Variants in NDST4 observed in about 807,000 individuals in gnomAD.
NDST4 encodes the protein N-deacetylase and N-sulfotransferase 4, also known as N-heparan sulfate sulfotransferase 4.
In NDST4, 63 loss-of-function variants were observed where a neutral mutation model predicts 100.8. That is an observed-to-expected ratio of 0.62 (90% CI 0.51 to 0.77). The LOEUF (loss-of-function observed/expected upper bound fraction) is 0.77, where lower values mean the gene tolerates loss of function less well. NDST4 is among the 30% of genes least tolerant of loss of function. NDST4 has a pLI of 0.00. For missense variants in NDST4, 943 were observed against 1,018.4 expected (o/e 0.93, Z 1.01); for synonymous variants, 377 against 361.8 (o/e 1.04, Z -0.48).
intron 2 of NDST4, among the ~76,000 whole-genome samples, chr4:115,004,336 T>C (rs904813140): frequency 1.3e-4 from 20 of 152,144 alleles, no homozygotes; most frequent in African/African-American, 4.8e-4. Context: ...ACAATAAATA[T>C]ATAAGAATTT....
rs143989129 is a variant in NDST4 at position 115,004,881 on chromosome 4, T to C, written c.979-27607A>G. Among the ~76,000 whole-genome samples, 3 of 152,306 alleles carry C rather than the reference T, an allele frequency of 2.0e-5. No homozygotes were observed. In the East Asian group the frequency reaches 5.8e-4, roughly 29 times the overall value. On this transcript the variant is annotated intron_variant, in intron 2 of 13. Transcript: ENST00000264363. ...ACCACAAAATTAAGTTTGTTACAGC[T>C]TAATTTTCAGGTGAACACACAGGAG...
intron 6 of NDST4, among the ~76,000 whole-genome samples, chr4:114,925,969 A>G (rs1214754578): frequency 6.6e-6 from 1 of 152,112 alleles, no homozygotes; most frequent in African/African-American, 2.4e-5. Context: ...GACTGTTTTG[A>G]CTATTTTCAG....
At chr4:114,892,972 T>C (rs1187074403) in intron 6 of NDST4, among the ~76,000 whole-genome samples, 1 of 151,922 alleles carries the variant, frequency 6.6e-6, no homozygotes, top group Non-Finnish European at 1.5e-5. Flanking sequence ...TTGACTCCTG[T>C]TTGTGAGTGA....
chr4:114,954,318 C>G (rs1310316499), intron 4 of NDST4, among the ~76,000 whole-genome samples: 3 of 151,506 alleles, frequency 2.0e-5, no homozygotes, highest in Non-Finnish European at 4.4e-5. Flanking sequence ...ATTTGAATGC[C>G]CAGTCTAGAA....
intron 10 of NDST4, among the ~76,000 whole-genome samples, chr4:114,844,648 T>A (rs926657978): frequency 3.3e-5 from 5 of 152,078 alleles, no homozygotes; most frequent in Admixed American, 6.5e-5. Context: ...TAATTACATA[T>A]CACTATGATT....
intron 2 of NDST4, among the ~76,000 whole-genome samples, chr4:114,981,068 C>T (rs999579899): frequency 2.0e-5 from 3 of 152,126 alleles, no homozygotes; most frequent in African/African-American, 7.2e-5. Flanking sequence ...CAAAAATTAG[C>T]CTGGCATGGT....
chr4:115,104,275 T>C (rs1256584589), intron 1 of NDST4, among the ~76,000 whole-genome samples: 1 of 152,080 alleles, frequency 6.6e-6, no homozygotes, highest in Admixed American at 6.6e-5. Context: ...AAGTAGCTTA[T>C]TATGTTTACC....
chr4:114,862,502 G>T (rs1021624061), intron 7 of NDST4, among the ~76,000 whole-genome samples: 1 of 152,076 alleles, frequency 6.6e-6, no homozygotes, highest in African/African-American at 2.4e-5. Flanking sequence ...ATATCTTTAT[G>T]CTTAGCAAAG....
chr4:114,935,076 A>T, intron 6 of NDST4, 130 bp downstream of exon 6: 2 of 693,768 alleles, frequency 2.9e-6, no homozygotes, highest in Non-Finnish European at 4.1e-6. Flanking sequence ...TTTAATATAG[A>T]TTTAAATGCA....
At chr4:114,952,715 AC>A (rs1726043681) in intron 4 of NDST4, among the ~76,000 whole-genome samples, 1 of 152,184 alleles carries the variant, frequency 6.6e-6, no homozygotes, top group Non-Finnish European at 1.5e-5. Context: ...AATTTTTAAA[AC>A]AATATCCTAC....
At chr4:114,847,242 G>A (rs1285368890) in intron 9 of NDST4, among the ~76,000 whole-genome samples, 1 of 140,480 alleles carries the variant, frequency 7.1e-6, no homozygotes, top group East Asian at 2.0e-4. Flanking sequence ...CGGGCGTAGT[G>A]GCGGGCGCCT....
chr4:115,076,408 A>G lies in NDST4; in HGVS notation c.629T>C (p.Val210Ala). ...PLLHITKAPK[V>A]EKGPLPGEDW... Reference sequence around the variant, plus strand: ...TTCCCCAGGAAGAGGGCCTTTCTCAACCTTGGGGGCTTTGGTAATATGCAG... The same window carrying G: ...TTCCCCAGGAAGAGGGCCTTTCTCAGCCTTGGGGGCTTTGGTAATATGCAG... The change falls in exon 2 of 14, where the codon GTT becomes GCT. Residue 210 changes from valine (V) to alanine (A), a missense_variant. Coordinates refer to ENST00000264363, the MANE Select transcript of NDST4 (RefSeq NM_022569.3). 1 of 1,613,924 alleles carries G rather than the reference A, an allele frequency of 6.2e-7. No homozygotes were observed. The highest frequency in any genetic ancestry group is 1.1e-5 in the South Asian group (1 of 91,084).
intron 7 of NDST4, among the ~76,000 whole-genome samples, chr4:114,864,444 T>C (rs1009745830): frequency 6.6e-6 from 1 of 152,218 alleles, no homozygotes; most frequent in Non-Finnish European, 1.5e-5. Flanking sequence ...TCTGTGTATG[T>C]CTTTAAAATG....
intron 6 of NDST4, 107 bp downstream of exon 6, chr4:114,935,099 T>A (rs988153288): frequency 8.1e-5 from 72 of 893,730 alleles, no homozygotes; most frequent in Non-Finnish European, 1.2e-5. Flanking sequence ...ACCAGTAAGA[T>A]GTGCTGTAAA....
chr4:115,080,742 C>T (rs1007873175), intron 1 of NDST4, among the ~76,000 whole-genome samples: 2 of 151,442 alleles, frequency 1.3e-5, no homozygotes, highest in South Asian at 2.1e-4. Context: ...TGGAACTTGT[C>T]GAAGGAGATT....
At chr4:114,989,794 T>C (rs772593529) in intron 2 of NDST4, among the ~76,000 whole-genome samples, 5 of 152,176 alleles carry the variant, frequency 3.3e-5, no homozygotes, top group Non-Finnish European at 7.4e-5. Context: ...TTTCTAGAAC[T>C]CTTAATATCA....
intron 2 of NDST4, among the ~76,000 whole-genome samples, chr4:114,977,915 G>A (rs1300104163): frequency 1.3e-5 from 2 of 151,852 alleles, no homozygotes; most frequent in East Asian, 1.9e-4. Flanking sequence ...CATTTCCCTA[G>A]TTTCTAGATT....
rs189546155 is a variant in NDST4, at chr4:114,890,502, T to C, written c.1537-19552A>G. ...TTTTTTCTCATGTCATTATCAATAATATTTTCACTAAATATATGGAGATTG... is the reference window on the plus strand; with the variant it reads ...TTTTTTCTCATGTCATTATCAATAACATTTTCACTAAATATATGGAGATTG... On this transcript the variant is annotated intron_variant, in intron 6 of 13. Coordinates refer to ENST00000264363, the MANE Select transcript of NDST4 (RefSeq NM_022569.3). Among the ~76,000 whole-genome samples, 455 of 152,226 alleles carry C rather than the reference T, an allele frequency of 3.0e-3. 3 individuals are homozygous for C. Among genetic ancestry groups the C allele is most frequent in the African/African-American group, 0.01 (427 of 41,560 alleles).
intron 1 of NDST4, among the ~76,000 whole-genome samples, chr4:115,101,291 TTATAA>T (rs1008016808): frequency 1.1e-4 from 17 of 152,038 alleles, no homozygotes; most frequent in African/African-American, 2.2e-4. Context: ...AATGAGTAAA[TTATAA>T]TATATCATTT....
Sources: allele counts gnomAD v4.1 joint callset (sites outside exome capture counted in the v4.1 genomes callset), GRCh38; gene constraint gnomAD v4.1.1; transcripts MANE v1.5; gene names NCBI Gene and HGNC (gene_info 2026-07-23, HGNC 2026-07-21).